NALCN: variants seen among roughly 807,000 people sequenced by gnomAD.
NALCN encodes sodium leak channel NALCN.
NALCN carries 111 observed loss-of-function variants against 225.3 expected under a neutral mutation model. The ratio of observed to expected loss-of-function variants is 0.49; its 90% CI spans 0.42 to 0.58. NALCN has a LOEUF of 0.58. Ranked by LOEUF, NALCN falls within the 20% of genes least tolerant of loss-of-function variation. NALCN has a pLI of 0.00. For synonymous variants in NALCN, 764 were observed against 769.0 expected, an observed-to-expected ratio of 0.99 and a Z score of 0.11; for missense variants, 1,378 against 2,202.4, an observed-to-expected ratio of 0.63 and a Z score of 7.49.
chr13:101,396,754 A>G (rs1472062623), intron 2 of NALCN, among the ~76,000 whole-genome samples: 1 of 152,162 alleles, frequency 6.6e-6, no homozygotes, highest in Non-Finnish European at 1.5e-5. Flanking sequence ...GAGCTTCCAA[A>G]TATAAGTTCT....
chr13:101,252,273 G>T (rs986324649), intron 11 of NALCN, among the ~76,000 whole-genome samples: 1 of 152,040 alleles, frequency 6.6e-6, no homozygotes, highest in African/African-American at 2.4e-5. Context: ...CTTCCTCTCT[G>T]TTCTCTGACT....
chr13:101,206,585 C>A (rs1383069574), intron 13 of NALCN, among the ~76,000 whole-genome samples: 3 of 135,480 alleles, frequency 2.2e-5, no homozygotes, highest in African/African-American at 7.5e-5. Context: ...TTTTTTCTCA[C>A]TGATGTTTAA....
chr13:101,324,818 T>C (rs1306530284), intron 7 of NALCN, among the ~76,000 whole-genome samples: 3 of 152,178 alleles, frequency 2.0e-5, no homozygotes, highest in African/African-American at 7.2e-5. Flanking sequence ...CTATGTTGAA[T>C]AGGAGTGGTG....
At chr13:101,393,700 G>A (rs1298848070) in intron 3 of NALCN, among the ~76,000 whole-genome samples, 1 of 152,172 alleles carries the variant, frequency 6.6e-6, no homozygotes, top group Non-Finnish European at 1.5e-5. Context: ...CCAGCTACTT[G>A]GGAGGCTGAG....
Position 101,090,008 on chromosome 13 carries a change from G to T in NALCN, c.3270-42C>A, listed in dbSNP as rs757344923. 39 of 1,612,084 alleles carry T rather than the reference G, an allele frequency of 2.4e-5. No individual in the cohort carries two copies. The Admixed American group carries it at 6.3e-4, about 26-fold the overall frequency. On this transcript the variant is annotated intron_variant, in intron 28 of 43. Transcript: ENST00000251127. ...GGAATGTTCTGTGAAATTCCAATAAGCAGCACCCGAAGGCAAATATCTGTA... is the reference window on the plus strand; with the variant it reads ...GGAATGTTCTGTGAAATTCCAATAATCAGCACCCGAAGGCAAATATCTGTA...
Position 101,089,084 on chromosome 13 carries a change from G to T in NALCN, c.3489+579C>A, listed in dbSNP as rs7320434. On this transcript the variant is annotated intron_variant, in intron 30 of 43. Transcript: ENST00000251127. This position sits in a 1 kb window ranked among gnomAD's most constrained non-coding sequence, Gnocchi z 4.7. ...GGCTAATTTTTGTATTTTTAGTAGA[G>T]ACAGGGTTTCACTATGTTGGCCAGG... Among the ~76,000 whole-genome samples the T allele has an allele frequency of 6.6e-6, 1 of 151,742 alleles. No homozygotes were observed. Among genetic ancestry groups the T allele is most frequent in the Non-Finnish European group, 1.5e-5 (1 of 67,934 alleles).
intron 9 of NALCN, among the ~76,000 whole-genome samples, chr13:101,286,069 G>C (rs1228358308): frequency 6.6e-6 from 1 of 151,984 alleles, no homozygotes; most frequent in Non-Finnish European, 1.5e-5. Flanking sequence ...AATAAGTAAA[G>C]GAAATGCAAA....
At position 101,067,952 on chromosome 13, in the gene NALCN, T is replaced by G; in HGVS notation, c.4412A>C (p.Gln1471Pro). Residue 1471 changes from glutamine (Q) to proline (P), a missense_variant, in exon 39 of 44, where the codon CAA (glutamine) becomes CCA (proline). Coordinates refer to ENST00000251127, the MANE Select transcript of NALCN (RefSeq NM_052867.4). ...ATCATCCACCATGTTCCATATTATT[T>G]GAAAGTGGCGAAGATCATTGTAACT... ...LLSYNDLRHF[Q>P]IIWNMVDDKR... 1 of 1,613,102 alleles carries G rather than the reference T, an allele frequency of 6.2e-7. No individual in the cohort carries two copies. The highest frequency in any genetic ancestry group is 8.5e-7 in the Non-Finnish European group (1 of 1,179,560).
chr13:101,271,464 A>C (rs61448191), intron 10 of NALCN, among the ~76,000 whole-genome samples: 9 of 152,126 alleles, frequency 5.9e-5, no homozygotes, highest in African/African-American at 2.2e-4. Flanking sequence ...ACATGTAGCT[A>C]TTTTATTTTT....
At chr13:101,233,963 C>G (rs999851844) in intron 12 of NALCN, among the ~76,000 whole-genome samples, 2 of 152,182 alleles carry the variant, frequency 1.3e-5, no homozygotes, top group African/African-American at 4.8e-5. Flanking sequence ...ATCATGCACC[C>G]ACCTCAGGAC....
At chr13:101,127,176 C>T (rs2036275326) in intron 17 of NALCN, among the ~76,000 whole-genome samples, 1 of 152,178 alleles carries the variant, frequency 6.6e-6, no homozygotes, top group South Asian at 2.1e-4. Context: ...ATGATTTCTG[C>T]CCTGCACAAG....
rs561762459 is a variant in NALCN at position 101,282,167 on chromosome 13, A to G, written c.1134+1766T>C. ...ATCCCACTTCTGGATATATGCCCAA[A>G]GGAAATGAAATCAGTATCTCAAAGA... On this transcript the variant is annotated intron_variant, in intron 10 of 43. Coordinates refer to ENST00000251127, the MANE Select transcript of NALCN (RefSeq NM_052867.4). 2.0e-5 allele frequency among the ~76,000 whole-genome samples: 3 copies of G among 152,360 alleles called. No homozygotes were observed. The East Asian group carries it at 5.8e-4, about 29-fold the overall frequency.
chr13:101,082,264 C>T (rs1250017254), intron 33 of NALCN, among the ~76,000 whole-genome samples: 1 of 151,606 alleles, frequency 6.6e-6, no homozygotes, highest in Non-Finnish European at 1.5e-5. Flanking sequence ...ATTTTTGAAG[C>T]TAAGTAGCTT....
chr13:101,117,280 A>G (rs1419892833), intron 18 of NALCN, among the ~76,000 whole-genome samples: 1 of 152,232 alleles, frequency 6.6e-6, no homozygotes, highest in Non-Finnish European at 1.5e-5. Flanking sequence ...AAATTAACTC[A>G]TGAGAAATCC....
At chr13:101,152,930 G>A (rs17621669) in intron 15 of NALCN, among the ~76,000 whole-genome samples, 18,916 of 151,818 alleles carry the variant, frequency 0.12, 1,630 homozygotes, top group East Asian at 0.45. Context: ...TAGATACTTG[G>A]TTCTTATTGT....
intron 10 of NALCN, among the ~76,000 whole-genome samples, chr13:101,273,626 A>C (rs2042871780): frequency 6.6e-6 from 1 of 152,176 alleles, no homozygotes. Flanking sequence ...TCACTTAGAA[A>C]AATCAACAGA....
chr13:101,354,736 G>A (rs2046000148), intron 6 of NALCN, among the ~76,000 whole-genome samples: 1 of 152,142 alleles, frequency 6.6e-6, no homozygotes, highest in African/African-American at 2.4e-5. Flanking sequence ...CATACTTGGA[G>A]GTCAAAATAT....
chr13:101,360,087 T>G (rs2046190171), intron 6 of NALCN, among the ~76,000 whole-genome samples: 3 of 147,206 alleles, frequency 2.0e-5, no homozygotes. Context: ...TTCTTTCTCT[T>G]TCTTTCTTTT....
intron 3 of NALCN, among the ~76,000 whole-genome samples, chr13:101,383,842 G>A (rs911366562): frequency 6.6e-6 from 1 of 152,074 alleles, no homozygotes; most frequent in African/African-American, 2.4e-5. Flanking sequence ...ATACAGTTAC[G>A]GTTTACATAT....
Sources: gnomAD v4.1 joint callset for allele counts (sites outside exome capture counted in the v4.1 genomes callset) on GRCh38, gnomAD v4.1.1 for gene constraint, Gnocchi (gnomAD v3.1) non-coding constraint, MANE v1.5 for transcripts, NCBI Gene and HGNC (gene_info 2026-07-23, HGNC 2026-07-21) for gene names.